The following AFAP1 variants were observed in gnomAD, a reference collection of about 807,000 sequenced individuals.
The protein encoded by AFAP1 is actin filament associated protein 1, also known as actin filament-associated protein 1.
A neutral mutation model predicts 93.9 loss-of-function variants in AFAP1; 75 were observed. The ratio of observed to expected loss-of-function variants is 0.80; its 90% CI spans 0.66 to 0.97. The LOEUF (loss-of-function observed/expected upper bound fraction) is 0.97. AFAP1 is among the 50% of genes least tolerant of loss of function. AFAP1 has a pLI of 0.00. For missense variants in AFAP1, 1,201 were observed against 1,050.8 expected, an observed-to-expected ratio of 1.14 and a Z score of -1.98; for synonymous variants, 517 against 430.7, an observed-to-expected ratio of 1.20 and a Z score of -2.48.
chr4:7,869,021 G>T (rs1175245878), intron 2 of AFAP1, among the ~76,000 whole-genome samples: 1 of 133,652 alleles, frequency 7.5e-6, no homozygotes, highest in African/African-American at 2.9e-5. Flanking sequence ...GAAAGGGAAA[G>T]GGAAAGAAAA....
At chr4:7,794,203 T>C (rs1222446515) in intron 10 of AFAP1, among the ~76,000 whole-genome samples, 1 of 152,232 alleles carries the variant, frequency 6.6e-6, no homozygotes, top group Non-Finnish European at 1.5e-5. Flanking sequence ...TCCCAGCTGC[T>C]GCTGCCTGAC....
At chr4:7,896,345 C>A (rs191690921) in intron 1 of AFAP1, among the ~76,000 whole-genome samples, 13 of 152,198 alleles carry the variant, frequency 8.5e-5, no homozygotes, top group African/African-American at 3.1e-4. Flanking sequence ...CTAAATAATA[C>A]TGAACACCGA....
At chr4:7,819,375 A>G (rs1720768156) in intron 6 of AFAP1, among the ~76,000 whole-genome samples, 1 of 152,234 alleles carries the variant, frequency 6.6e-6, no homozygotes, top group African/African-American at 2.4e-5. Context: ...CAACGCTGGT[A>G]CTAACATAGG....
At chr4:7,774,991 A>T (rs114891425) in intron 14 of AFAP1, 88 bp from the exon 15 acceptor site, 33,464 of 1,484,460 alleles carry the variant, frequency 0.023, 460 homozygotes, top group Middle Eastern at 0.038. Context: ...AAAATACAAA[A>T]TTAGCCAGGC....
intron 6 of AFAP1, among the ~76,000 whole-genome samples, chr4:7,827,321 C>A (rs2042584267): frequency 6.6e-6 from 1 of 152,084 alleles, no homozygotes; most frequent in South Asian, 2.1e-4. Context: ...CCTGTCATCC[C>A]AGCACTTTGG....
intron 1 of AFAP1, among the ~76,000 whole-genome samples, chr4:7,900,620 T>G (rs1719062581): frequency 1.3e-5 from 2 of 152,192 alleles, no homozygotes; most frequent in Admixed American, 6.5e-5. Context: ...CCAAACTACC[T>G]CTAACAATCA....
chr4:7,806,456 C>T (rs1052344440), intron 9 of AFAP1, among the ~76,000 whole-genome samples: 3 of 152,090 alleles, frequency 2.0e-5, no homozygotes, highest in Admixed American at 6.5e-5. Context: ...ATTTGAACTC[C>T]GCTTTCAGTG....
At position 7,762,236 on chromosome 4, in the gene AFAP1, ATGTC is replaced by A. The variant is rs1713914431; in HGVS notation, c.*1525_*1528del. ...ACCACACAGCTAGCGCTCTGAAAGT[ATGTC>A]TGGGGGAAACCCAAGGAGTCAGTCA... On this transcript the variant is annotated 3_prime_UTR_variant, in exon 18 of 18. Transcript: ENST00000420658. 1 of 152,252 alleles carries A rather than the reference ATGTC, an allele frequency of 6.6e-6. No homozygotes were observed. Among genetic ancestry groups the A allele is most frequent in the Admixed American group, 6.5e-5 (1 of 15,276 alleles). The allele number at this position is 152,252 out of a possible 1,614,324, so 9.4% of individuals were successfully genotyped here. A position where few individuals can be genotyped will look rare whatever the true frequency, so the allele number is the denominator to read the frequency against.
chr4:7,826,694 G>A (rs1206309478), intron 6 of AFAP1, among the ~76,000 whole-genome samples: 1 of 152,230 alleles, frequency 6.6e-6, no homozygotes, highest in Non-Finnish European at 1.5e-5. Flanking sequence ...CAATGGTTTG[G>A]AAGGCAGTAG....
In AFAP1 at chr4:7,768,837, G is replaced by A; in HGVS notation, c.2418+7C>T. The A allele has an allele frequency of 1.3e-6, 2 of 1,585,932 alleles. No homozygotes were observed. Among genetic ancestry groups the A allele is most frequent in the East Asian group, 2.3e-5 (1 of 43,868 alleles). On this transcript the variant is annotated splice_region_variant and intron_variant, in intron 17 of 17. Transcript: ENST00000420658. ...ACACCCAGACACCCCCGGACATCAG[G>A]GCTTACCTTGGCCTTCCGCAGCACA...
chr4:7,891,316 A>C (rs1270845523), intron 1 of AFAP1, among the ~76,000 whole-genome samples: 1 of 152,224 alleles, frequency 6.6e-6, no homozygotes, highest in African/African-American at 2.4e-5. Flanking sequence ...TTCAGGGTGG[A>C]GAATGTTCTC....
At chr4:7,879,472 A>C (rs1373894428) in intron 1 of AFAP1, among the ~76,000 whole-genome samples, 1 of 152,174 alleles carries the variant, frequency 6.6e-6, no homozygotes. Context: ...CACCAAACAC[A>C]GACTGGCATC....
At chr4:7,896,878 C>A (rs1386911926) in intron 1 of AFAP1, among the ~76,000 whole-genome samples, 1 of 151,906 alleles carries the variant, frequency 6.6e-6, no homozygotes, top group Non-Finnish European at 1.5e-5. Flanking sequence ...CCCAACCGCC[C>A]GGCAGCACAT....
intron 5 of AFAP1, among the ~76,000 whole-genome samples, chr4:7,840,690 A>G (rs1712906894): frequency 6.6e-6 from 1 of 152,134 alleles, no homozygotes; most frequent in Admixed American, 6.5e-5. Flanking sequence ...AACTCAACTG[A>G]TCTGAAAAGG....
At chr4:7,854,434 C>G (rs1166669235) in intron 4 of AFAP1, among the ~76,000 whole-genome samples, 1 of 152,196 alleles carries the variant, frequency 6.6e-6, no homozygotes, top group East Asian at 1.9e-4. Context: ...CTTCTCCACA[C>G]TCAGAGAAGC....
Position 7,809,543 on chromosome 4 carries a change from C to G in AFAP1, c.1054+71G>C, listed in dbSNP as rs148823168. 845 of 1,529,634 alleles carry G rather than the reference C, an allele frequency of 5.5e-4. 1 individual carries two copies. Among genetic ancestry groups the G allele is most frequent in the African/African-American group, 7.2e-4 (52 of 72,182 alleles). 94.8% of individuals were successfully genotyped at this position (1,529,634 alleles called of 1,614,324 possible). ...AACGAGCCTTGGATGAACTGGGTACCGACACCACTGCAGGAGAAAATGAAA... is the reference window on the plus strand; with the variant it reads ...AACGAGCCTTGGATGAACTGGGTACGGACACCACTGCAGGAGAAAATGAAA... On this transcript the variant is annotated intron_variant, in intron 9 of 17. Coordinates refer to ENST00000420658, the MANE Select transcript of AFAP1 (RefSeq NM_001134647.2).
At chr4:7,872,956 A>C (rs1320053601) in intron 1 of AFAP1, among the ~76,000 whole-genome samples, 2 of 150,204 alleles carry the variant, frequency 1.3e-5, no homozygotes, top group East Asian at 1.9e-4. Context: ...AAAAAAAAAA[A>C]AAAACTACTT....
rs114773910 is a variant in AFAP1 at position 7,919,770 on chromosome 4, C to A, written c.-3+19886G>T. 8.4e-3 allele frequency among the ~76,000 whole-genome samples: 1,273 copies of A among 152,226 alleles called. 24 individuals carry two copies. The highest frequency in any genetic ancestry group is 0.029 in the African/African-American group (1,209 of 41,522). ...ATTGAGCCCAGCCAGCATGCATTAG[C>A]TGTTTTTCCTAACACTCTCCCTCCC... On this transcript the variant is annotated intron_variant, in intron 1 of 17. Coordinates refer to ENST00000420658, the MANE Select transcript of AFAP1 (RefSeq NM_001134647.2).
chr4:7,880,842 C>T (rs1016296744), intron 1 of AFAP1, among the ~76,000 whole-genome samples: 1 of 152,178 alleles, frequency 6.6e-6, no homozygotes, highest in Non-Finnish European at 1.5e-5. Context: ...CTATGAACTA[C>T]CCATCACTTC....
Sources: gnomAD v4.1 joint callset for allele counts (sites outside exome capture counted in the v4.1 genomes callset) on GRCh38, gnomAD v4.1.1 for gene constraint, MANE v1.5 for transcripts, NCBI Gene and HGNC (gene_info 2026-07-23, HGNC 2026-07-21) for gene names.